Variants in LRBA observed in about 807,000 individuals in gnomAD.
LRBA encodes the protein lipopolysaccharide-responsive and beige-like anchor protein.
LRBA carries 176 observed loss-of-function variants against 330.0 expected under a neutral mutation model. The observed-to-expected ratio is 0.53, with a 90% CI of 0.47 to 0.60. The LOEUF is 0.60. LRBA is among the 20% of genes least tolerant of loss of function. The probability of loss-of-function intolerance (pLI) is 0.00; values close to 1 mark genes in which losing one functional copy is unlikely to be tolerated. For missense variants in LRBA, 3,259 were observed against 3,444.8 expected, an observed-to-expected ratio of 0.95 and a Z score of 1.35; for synonymous variants, 1,230 against 1,193.0, an observed-to-expected ratio of 1.03 and a Z score of -0.64.
chr4:150,954,006 C>G (rs186271742), intron 2 of LRBA, among the ~76,000 whole-genome samples: 4,072 of 135,996 alleles, frequency 0.03, 133 homozygotes, highest in African/African-American at 0.11. Flanking sequence ...CGTCTCTGAC[C>G]GGCCACCCCG....
intron 47 of LRBA, among the ~76,000 whole-genome samples, chr4:150,377,760 A>AATTT (rs557722976): frequency 6.6e-6 from 1 of 152,066 alleles, no homozygotes; most frequent in African/African-American, 2.4e-5. Flanking sequence ...TTTTTATACC[A>AATTT]ATTTATTTAT....
intron 34 of LRBA, among the ~76,000 whole-genome samples, chr4:150,772,428 T>C (rs1560796154): frequency 1.3e-5 from 2 of 152,174 alleles, no homozygotes; most frequent in African/African-American, 2.4e-5. Flanking sequence ...TTTTCAAGCA[T>C]TGCTTGGGCC....
chr4:150,592,396 C>T (rs1434202756), intron 38 of LRBA, among the ~76,000 whole-genome samples: 2 of 150,832 alleles, frequency 1.3e-5, no homozygotes, highest in Non-Finnish European at 2.9e-5. Context: ...ATATTTATTG[C>T]GAATTCACCA....
chr4:150,825,469 C>A (rs1442358849), intron 30 of LRBA, among the ~76,000 whole-genome samples: 1 of 152,116 alleles, frequency 6.6e-6, no homozygotes, highest in Non-Finnish European at 1.5e-5. Flanking sequence ...CAGGTTCAAG[C>A]GATTCTCCTG....
intron 24 of LRBA, 39 bp from the exon 25 acceptor site, chr4:150,849,614 G>T (rs372896476): frequency 6.4e-7 from 1 of 1,559,370 alleles, no homozygotes; most frequent in Non-Finnish European, 8.8e-7. Flanking sequence ...TAAAGCTAAA[G>T]AAAGGAAATC....
chr4:150,824,783 A>C (rs949290316), intron 30 of LRBA, among the ~76,000 whole-genome samples: 5 of 152,070 alleles, frequency 3.3e-5, no homozygotes, highest in African/African-American at 1.2e-4. Flanking sequence ...AATTTTTAAA[A>C]AGTTTCTTTG....
chr4:150,921,133 G>T, intron 5 of LRBA, 65 bp downstream of exon 5: 2 of 1,036,062 alleles, frequency 1.9e-6, no homozygotes, highest in Non-Finnish European at 3.0e-6. Context: ...TGTTCACAGG[G>T]CTGTACTTTC....
chr4:150,590,910 C>G, intron 38 of LRBA, 51 bp from the exon 39 acceptor site: 3 of 1,587,776 alleles, frequency 1.9e-6, no homozygotes, highest in Non-Finnish European at 2.6e-6. Flanking sequence ...AAGAGCACTT[C>G]GGCAGAGGGG....
At chr4:150,847,113 T>A (rs1041388128) in intron 26 of LRBA, among the ~76,000 whole-genome samples, 4 of 152,270 alleles carry the variant, frequency 2.6e-5, no homozygotes, top group Non-Finnish European at 4.4e-5. Context: ...GGAGCACTAG[T>A]TAGACAAAAG....
chr4:150,333,333 A>G (rs1734231586), intron 48 of LRBA, among the ~76,000 whole-genome samples: 1 of 152,116 alleles, frequency 6.6e-6, no homozygotes, highest in Non-Finnish European at 1.5e-5. Context: ...CTGATATTGT[A>G]TTTTATCACC....
intron 40 of LRBA, among the ~76,000 whole-genome samples, chr4:150,539,576 T>G (rs150389945): frequency 7.2e-5 from 11 of 152,332 alleles, no homozygotes; most frequent in Non-Finnish European, 1.0e-4. Flanking sequence ...CGAAAGGAGA[T>G]TCACAGTATC....
At chr4:150,417,464 T>C (rs994177786) in intron 46 of LRBA, among the ~76,000 whole-genome samples, 1 of 152,190 alleles carries the variant, frequency 6.6e-6, no homozygotes, top group Non-Finnish European at 1.5e-5. Flanking sequence ...GGGAGGAACA[T>C]GCTTTCCTTG....
intron 2 of LRBA, among the ~76,000 whole-genome samples, chr4:151,011,533 G>C (rs1217181029): frequency 1.3e-5 from 2 of 150,330 alleles, no homozygotes; most frequent in Non-Finnish European, 3.0e-5. Context: ...AGGAGGCAGA[G>C]GTTGCAGGGA....
rs557972808 is a variant in LRBA, at chr4:150,609,387, A to G, written c.5922-10256T>C. Among the ~76,000 whole-genome samples the G allele has an allele frequency of 3.3e-5, 5 of 152,318 alleles. No homozygotes were observed. In the South Asian group the frequency reaches 6.2e-4, roughly 19 times the overall value. On this transcript the variant is annotated intron_variant, in intron 37 of 56. Transcript: ENST00000651943. ...CATGTAGATCCAGTTGCTGGCAGTC[A>G]TAAGGCATCCATGAGAGAAGCCAGA...
At chr4:150,599,208 C>G (rs1217913423) in intron 37 of LRBA, 77 bp from the exon 38 acceptor site, 1 of 1,515,124 alleles carries the variant, frequency 6.6e-7, no homozygotes, top group African/African-American at 1.4e-5. Flanking sequence ...GCATAAAGCT[C>G]TCCTTGTTTG....
In LRBA at chr4:150,486,577, A is replaced by C. The variant is rs180793512; in HGVS notation, c.6551+1155T>G. Among the ~76,000 whole-genome samples, 70 of 151,962 alleles carry C rather than the reference A, an allele frequency of 4.6e-4. No individual in the cohort carries two copies. The Middle Eastern group carries it at 0.027, about 59-fold the overall frequency. ...CTATTAGCAACCAATAAAAATTATC[A>C]TTTTTTTGTCTTGTATACATCACGA... On this transcript the variant is annotated intron_variant, in intron 42 of 56. Coordinates refer to ENST00000651943, the MANE Select transcript of LRBA (RefSeq NM_001364905.1).
At position 150,831,996 on chromosome 4, in the gene LRBA, G is replaced by T; in HGVS notation, c.4570-20C>A. On this transcript the variant is annotated intron_variant, in intron 28 of 56. Transcript: ENST00000651943. The stretch of plus-strand genomic sequence containing the variant: ...ATCCTCCTGGGAAAAAAAATTAAAG[G>T]AGTTGATTATGTAACCATAAAATAA... 1 of 1,448,510 alleles carries T rather than the reference G, an allele frequency of 6.9e-7. No individual in the cohort carries two copies. The highest frequency in any genetic ancestry group is 1.6e-5 in the South Asian group (1 of 64,302). 89.7% of individuals were successfully genotyped at this position (1,448,510 alleles called of 1,614,324 possible). A position where few individuals can be genotyped will look rare whatever the true frequency, so the allele number is the denominator to read the frequency against.
chr4:150,302,826 A>G (rs904510128), intron 52 of LRBA, 34 bp from the exon 53 acceptor site: 30 of 1,508,008 alleles, frequency 2.0e-5, no homozygotes, highest in Non-Finnish European at 2.6e-5. Context: ...TAAAAATGCT[A>G]TTAAAAAAAT....
At chr4:150,491,888 A>T (rs531700794) in intron 40 of LRBA, among the ~76,000 whole-genome samples, 2 of 152,214 alleles carry the variant, frequency 1.3e-5, no homozygotes, top group Non-Finnish European at 2.9e-5. Flanking sequence ...TACATAATAC[A>T]TAAGAAAATG....
Sources: gnomAD v4.1 joint callset for allele counts (sites outside exome capture counted in the v4.1 genomes callset) on GRCh38, gnomAD v4.1.1 for gene constraint, MANE v1.5 for transcripts, NCBI Gene and HGNC (gene_info 2026-07-23, HGNC 2026-07-21) for gene names.